GIMAP4: variants seen among roughly 807,000 people sequenced by gnomAD.
GIMAP4 encodes GTPase, IMAP family member 4.
A neutral mutation model predicts 10.8 loss-of-function variants in GIMAP4; 12 were observed. The ratio of observed to expected loss-of-function variants is 1.11; its 90% confidence interval spans 0.71 to 1.81. GIMAP4 has a LOEUF of 1.81. GIMAP4 is among the 40% of genes most tolerant of loss of function. The pLI, the probability that GIMAP4 is intolerant of heterozygous loss-of-function variation, is 0.00. For synonymous variants in GIMAP4, 149 were observed against 147.2 expected (o/e 1.01, Z -0.09); for missense variants, 412 against 404.6 (o/e 1.02, Z -0.16).
rs1212234118 is a variant in GIMAP4, at chr7:150,573,905, T to C, written c.*845T>C. On this transcript the variant is annotated 3_prime_UTR_variant, in exon 3 of 3. Transcript: ENST00000255945. ...TCCACACACTTCTGCCCCCACTGCATTGAATTTTTTGCTTATGTTGTTTAT... is the reference window on the plus strand; with the variant it reads ...TCCACACACTTCTGCCCCCACTGCACTGAATTTTTTGCTTATGTTGTTTAT... 1.3e-5 allele frequency: 2 copies of C among 152,234 alleles called. No homozygotes were observed. The highest frequency in any genetic ancestry group is 2.4e-5 in the African/African-American group (1 of 41,466). 9.4% of individuals were successfully genotyped at this position (152,234 alleles called of 1,614,324 possible).
chr7:150,567,563 C>T (rs1463496960), intron 1 of GIMAP4, 126 bp downstream of exon 1: 1 of 152,136 alleles, frequency 6.6e-6, no homozygotes, highest in African/African-American at 2.4e-5. Context: ...TTCCCGTTTC[C>T]TGGCTTTGCT....
rs1277780402 is a variant in GIMAP4, at chr7:150,573,214, A to G, written c.*154A>G. 5 of 583,502 alleles carry G rather than the reference A, an allele frequency of 8.6e-6. No homozygotes were observed. In the African/African-American group the frequency reaches 9.4e-5, roughly 11 times the overall value. 36.1% of individuals were successfully genotyped at this position (583,502 alleles called of 1,614,324 possible). ...CCATTGGTAGATGTTTGATTGACTT[A>G]ACAAGAGAGGGACAAATTTTCAATT... On this transcript the variant is annotated 3_prime_UTR_variant, in exon 3 of 3. Transcript: ENST00000255945.
chr7:150,571,369 C>T (rs952720552), intron 2 of GIMAP4, among the ~76,000 whole-genome samples: 2 of 152,172 alleles, frequency 1.3e-5, no homozygotes, highest in Non-Finnish European at 2.9e-5. Context: ...ACCCACTTCC[C>T]TGGCTTCTTA....
chr7:150,567,709 G>T (rs1795679511), intron 1 of GIMAP4, among the ~76,000 whole-genome samples: 2 of 152,290 alleles, frequency 1.3e-5, no homozygotes, highest in Middle Eastern at 6.8e-3. Flanking sequence ...TAGAAACTTT[G>T]ATTCTTCCAG....
Position 150,573,559 on chromosome 7 carries a change from A to G in GIMAP4, c.*499A>G, listed in dbSNP as rs942161243. ...GTAGAATTATTCCTAGATGAGTGTC[A>G]ATTTATTTAATTCCATTGTCATATA... On this transcript the variant is annotated 3_prime_UTR_variant, in exon 3 of 3. Transcript: ENST00000255945. The G allele has an allele frequency of 2.6e-5, 4 of 153,016 alleles. No individual in the cohort carries two copies. Among genetic ancestry groups the G allele is most frequent in the African/African-American group, 9.7e-5 (4 of 41,446 alleles). 9.5% of individuals were successfully genotyped at this position (153,016 alleles called of 1,614,324 possible).
At chr7:150,568,408 G>A (rs192779368) in intron 1 of GIMAP4, among the ~76,000 whole-genome samples, 4 of 152,142 alleles carry the variant, frequency 2.6e-5, no homozygotes, top group African/African-American at 9.7e-5. Context: ...TTCCTATGAG[G>A]TGACTCTGTC....
rs376308360 is a variant in GIMAP4 at position 150,573,050 on chromosome 7, C to T, written c.980C>T (p.Ala327Val). Reference protein sequence around the residue: ...IASFILLRLFAED With the variant: ...IASFILLRLFVED ...TCCTTTATTTTGTTACGTCTGTTCG[C>T]GGAAGATTAAACTTAATGAAAATCT... The change falls in exon 3 of 3, where the codon GCG becomes GTG. Residue 327 changes from alanine (A) to valine (V), a missense_variant. Transcript: ENST00000255945. The T allele has an allele frequency of 1.0e-5, 16 of 1,581,672 alleles. No homozygotes were observed. In the African/African-American group the frequency reaches 1.1e-4, roughly 11 times the overall value.
At position 150,572,588 on chromosome 7, in the gene GIMAP4, A is replaced by C. The variant is rs1421433079; in HGVS notation, c.518A>C (p.Glu173Ala). The change falls in exon 3 of 3, where the codon GAA becomes GCA. Residue 173 changes from glutamate to alanine, a missense_variant. Coordinates refer to ENST00000255945, the MANE Select transcript of GIMAP4 (RefSeq NM_018326.3). ...CATGACTACTTAAGGGAAGCTCCAG[A>C]AGACATTCAAGACTTGATGGACATT... is the stretch of plus-strand genomic sequence containing the variant. ...NLHDYLREAP[E>A]DIQDLMDIFG... 1 of 1,614,116 alleles carries C rather than the reference A, an allele frequency of 6.2e-7. No individual in the cohort carries two copies. Among genetic ancestry groups the C allele is most frequent in the Admixed American group, 1.7e-5 (1 of 60,024 alleles).
rs79328967 is a variant in GIMAP4 at position 150,569,643 on chromosome 7, G to A, written c.-14-245G>A. Among the ~76,000 whole-genome samples, 59 of 152,300 alleles carry A rather than the reference G, an allele frequency of 3.9e-4. 1 individual carries two copies. Among genetic ancestry groups the A allele is most frequent in the Admixed American group, 5.9e-4 (9 of 15,306 alleles). On this transcript the variant is annotated intron_variant, in intron 1 of 2. Coordinates refer to ENST00000255945, the MANE Select transcript of GIMAP4 (RefSeq NM_018326.3). Reference sequence around the variant, plus strand: ...TCCAAGCCACGAATCTCTAGATAGAGGGGGGAAGGGGCCAGAACCCCTGTG... The same window carrying A: ...TCCAAGCCACGAATCTCTAGATAGAAGGGGGAAGGGGCCAGAACCCCTGTG...
At chr7:150,570,037 A>AATT in intron 2 of GIMAP4, 78 bp downstream of exon 2, 1 of 426,712 alleles carries the variant, frequency 2.3e-6, no homozygotes, top group Non-Finnish European at 4.6e-6. Context: ...GGGGGGGAAT[A>AATT]GGGGTGGGGT....
intron 2 of GIMAP4, 67 bp downstream of exon 2, chr7:150,570,026 TG>T (rs1585156531): frequency 3.9e-5 from 14 of 354,498 alleles, no homozygotes; most frequent in East Asian, 1.9e-4. Context: ...GTGGGGGATT[TG>T]GGGGGGAATA....
At position 150,572,623 on chromosome 7, in the gene GIMAP4, C is replaced by T. The variant is rs772334924; in HGVS notation, c.553C>T (p.Arg185Cys). 9.3e-6 allele frequency: 15 copies of T among 1,614,154 alleles called. No individual in the cohort carries two copies. The highest frequency in any genetic ancestry group is 1.1e-5 in the South Asian group (1 of 91,082). ...IQDLMDIFGD[R>C]YCALNNKATG... Reference sequence around the variant, plus strand: ...AGACTTGATGGACATTTTCGGTGACCGCTACTGTGCGTTAAACAACAAGGC... The same window carrying T: ...AGACTTGATGGACATTTTCGGTGACTGCTACTGTGCGTTAAACAACAAGGC... The change falls in exon 3 of 3, where the codon CGC (arginine) becomes TGC (cysteine). Residue 185 changes from arginine to cysteine, a missense_variant. Transcript: ENST00000255945.
At position 150,573,311 on chromosome 7, in the gene GIMAP4, T is replaced by C. The variant is rs1795761094; in HGVS notation, c.*251T>C. Reference sequence around the variant, plus strand: ...TTCTTCCTTAGACATGCAGAGAAAATGTATGCAAGAGACCAAAAAGATGGC... The same window carrying C: ...TTCTTCCTTAGACATGCAGAGAAAACGTATGCAAGAGACCAAAAAGATGGC... On this transcript the variant is annotated 3_prime_UTR_variant, in exon 3 of 3. Coordinates refer to ENST00000255945, the MANE Select transcript of GIMAP4 (RefSeq NM_018326.3). 2 of 375,540 alleles carry C rather than the reference T, an allele frequency of 5.3e-6. No individual in the cohort carries two copies. Among genetic ancestry groups the C allele is most frequent in the Non-Finnish European group, 9.6e-6 (2 of 208,014 alleles). 23.3% of individuals were successfully genotyped at this position (375,540 alleles called of 1,614,324 possible).
At position 150,572,174 on chromosome 7, in the gene GIMAP4, T is replaced by A. The variant is rs367566680; in HGVS notation, c.104T>A (p.Leu35Ter). Residue 35 changes from leucine (L) to a stop codon, truncating the protein, a stop_gained, in exon 3 of 3, where the codon TTA (leucine) becomes TAA (stop). Transcript: ENST00000255945. LOFTEE classifies it high-confidence loss of function. Reference protein sequence around the residue: ...EPRNSQLRIVLVGKTGAGKSA... With the variant: ...EPRNSQLRIV ...AGAAATTCCCAATTGAGAATTGTGT[T>A]AGTGGGTAAAACCGGAGCAGGAAAA... 1 of 1,613,980 alleles carries A rather than the reference T, an allele frequency of 6.2e-7. No individual in the cohort carries two copies. Among genetic ancestry groups the A allele is most frequent in the South Asian group, 1.1e-5 (1 of 91,076 alleles).
intron 1 of GIMAP4, among the ~76,000 whole-genome samples, chr7:150,568,388 A>G: frequency 6.6e-6 from 1 of 152,214 alleles, no homozygotes; most frequent in East Asian, 1.9e-4. Context: ...AGTGTTTCAT[A>G]TTTGTTGGCT....
At chr7:150,570,105 T>TTTCTCATTTTC in intron 2 of GIMAP4, 146 bp downstream of exon 2, 1 of 646,368 alleles carries the variant, frequency 1.5e-6, no homozygotes, top group Non-Finnish European at 2.8e-6. Context: ...TCCAACCTCT[T>TTTCTCATTTTC]TTCTCATTTT....
rs769626156 is a variant in GIMAP4, at chr7:150,572,526, A to G, written c.456A>G (p.Ile152Met). 5.8e-5 allele frequency: 94 copies of G among 1,614,056 alleles called. No homozygotes were observed. The highest frequency in any genetic ancestry group is 1.6e-4 in the Middle Eastern group (1 of 6,084). The change falls in exon 3 of 3, where the codon ATA becomes ATG. Residue 152 changes from isoleucine (I) to methionine (M), a missense_variant. Physicochemically the swap from Ile to Met is conservative, Grantham distance 10 (BLOSUM62 1). Coordinates refer to ENST00000255945, the MANE Select transcript of GIMAP4 (RefSeq NM_018326.3). ...GGGCTAGAAGTTTCATGATTCTCAT[A>G]TTCACCCGGAAAGATGACTTAGGTG... The part of the protein sequence containing the change: ...GERARSFMIL[I>M]FTRKDDLGDT...
rs756400867 is a variant in GIMAP4, at chr7:150,572,330, C to T, written c.260C>T (p.Pro87Leu). 6.2e-7 allele frequency: 1 copy of T among 1,613,950 alleles called. No homozygotes were observed. ...KETELVVVDT[P>L]GIFDTEVPNA... The stretch of plus-strand genomic sequence containing the variant: ...ACAGAACTTGTCGTAGTTGACACAC[C>T]AGGCATTTTCGACACAGAGGTGCCC... Residue 87 changes from proline (P) to leucine (L), a missense_variant, in exon 3 of 3, where the codon CCA becomes CTA. Pro to Leu is a moderately conservative substitution (Grantham distance 98, BLOSUM62 -3). Transcript: ENST00000255945.
rs755135350 is a variant in GIMAP4 at position 150,573,033 on chromosome 7, T to G, written c.963T>G (p.Ile321Met). 6.2e-7 allele frequency: 1 copy of G among 1,602,814 alleles called. No homozygotes were observed. Among genetic ancestry groups the G allele is most frequent in the Non-Finnish European group, 8.5e-7 (1 of 1,172,976 alleles). The change falls in exon 3 of 3, where the codon ATT becomes ATG. Residue 321 changes from isoleucine to methionine, a missense_variant. Ile to Met is a conservative substitution (Grantham distance 10). Coordinates refer to ENST00000255945, the MANE Select transcript of GIMAP4 (RefSeq NM_018326.3). ...IMTALQIASF[I>M]LLRLFAED is the part of the protein sequence containing the mutation. ...CAGCGTTACAGATTGCTTCCTTTAT[T>G]TTGTTACGTCTGTTCGCGGAAGATT...
Sources: gnomAD v4.1 joint callset for allele counts (sites outside exome capture counted in the v4.1 genomes callset) on GRCh38, gnomAD v4.1.1 for gene constraint, MANE v1.5 for transcripts, NCBI Gene and HGNC (gene_info 2026-07-23, HGNC 2026-07-21) for gene names.